Variants in IDI2 observed in about 807,000 individuals in gnomAD.
IDI2 encodes the protein isopentenyl-diphosphate delta-isomerase 2.
A neutral mutation model predicts 14.8 loss-of-function variants in IDI2; 18 were observed. The observed-to-expected ratio is 1.22, with a 90% CI of 0.84 to 1.80. IDI2 has a LOEUF of 1.80. Ranked by LOEUF, IDI2 falls within the 40% of genes most tolerant of loss-of-function variation. IDI2 has a pLI of 0.00. For missense variants in IDI2, 316 were observed against 283.2 expected, an observed-to-expected ratio of 1.12 and a Z score of -0.83; for synonymous variants, 133 against 109.6, an observed-to-expected ratio of 1.21 and a Z score of -1.33.
Position 1,024,708 on chromosome 10 carries a change from G to T in IDI2, c.16C>A (p.Leu6Ile). The change falls in exon 2 of 5, where the codon CTT becomes ATT. Residue 6 changes from leucine to isoleucine, a missense_variant. Coordinates refer to ENST00000277517, the MANE Select transcript of IDI2 (RefSeq NM_033261.3). MSDIN[L>I]DWVDRRQLQR... ...AACTGACGCCTGTCAACCCAGTCAA[G>T]ATTTATGTCAGACATAGCTGCTGGC... is the stretch of plus-strand genomic sequence containing the variant. The T allele has an allele frequency of 6.2e-7, 1 of 1,614,132 alleles. No individual in the cohort carries two copies. Among genetic ancestry groups the T allele is most frequent in the Non-Finnish European group, 8.5e-7 (1 of 1,180,022 alleles).
intron 4 of IDI2, among the ~76,000 whole-genome samples, chr10:1,020,224 TTTC>T (rs767744910): frequency 4.2e-4 from 61 of 145,476 alleles, no homozygotes; most frequent in Non-Finnish European, 8.4e-4. Context: ...CTTGAATTTC[TTTC>T]TTTTTTTTTT....
chr10:1,021,881 G>A (rs1478626461), intron 3 of IDI2, among the ~76,000 whole-genome samples: 2 of 152,192 alleles, frequency 1.3e-5, no homozygotes, highest in Non-Finnish European at 2.9e-5. Flanking sequence ...AATGGCTCAG[G>A]CAAGGTCTGG....
intron 2 of IDI2, among the ~76,000 whole-genome samples, chr10:1,023,682 G>T (rs1355013044): frequency 6.6e-6 from 1 of 152,120 alleles, no homozygotes; most frequent in Non-Finnish European, 1.5e-5. Flanking sequence ...CAGTGGGGAG[G>T]GATGACGAGA....
chr10:1,021,481 G>A (rs755609552), intron 3 of IDI2, among the ~76,000 whole-genome samples: 4 of 152,214 alleles, frequency 2.6e-5, no homozygotes, highest in Non-Finnish European at 2.9e-5. Context: ...GTTCCCTCTC[G>A]TTCCTCAGAC....
chr10:1,020,826 C>G lies in IDI2; in HGVS notation c.307G>C (p.Gly103Arg), dbSNP rs769479232. 1 of 1,613,994 alleles carries G rather than the reference C, an allele frequency of 6.2e-7. No homozygotes were observed. The highest frequency in any genetic ancestry group is 8.5e-7 in the Non-Finnish European group (1 of 1,179,938). Residue 103 changes from glycine (G) to arginine (R), a missense_variant, in exon 4 of 5, where the codon GGA (glycine) becomes CGA (arginine). Physicochemically the swap from Gly to Arg is moderately radical, Grantham distance 125. Transcript: ENST00000277517. ...PAELEEKDAI[G>R]VRRAAQRRLQ... is the part of the protein sequence containing the mutation. ...CGCCTCTGGGCTGCCCTCCTCACTC[C>G]GATGGCATCCTTTTCTTCCAGTTCT...
chr10:1,022,675 G>A lies in IDI2; in HGVS notation c.235+8C>T, dbSNP rs376470407. ...TCTTCAGTCCGGGGCTTGGTTGAACGGACTCACCAGGAAACGTGACTTTCG... is the reference window on the plus strand; with the variant it reads ...TCTTCAGTCCGGGGCTTGGTTGAACAGACTCACCAGGAAACGTGACTTTCG... On this transcript the variant is annotated splice_region_variant and intron_variant, in intron 3 of 4. Transcript: ENST00000277517. 171 of 1,605,574 alleles carry A rather than the reference G, an allele frequency of 1.1e-4. No homozygotes were observed. Among genetic ancestry groups the A allele is most frequent in the Admixed American group, 5.0e-4 (30 of 59,986 alleles).
intron 2 of IDI2, among the ~76,000 whole-genome samples, chr10:1,023,114 G>A (rs73592068): frequency 0.01 from 1,577 of 152,296 alleles, 25 homozygotes; most frequent in African/African-American, 0.036. Context: ...ACCTGTGTCC[G>A]TGGAGGTTTG....
intron 3 of IDI2, 23 bp downstream of exon 3, chr10:1,022,659 CG>C: frequency 6.4e-7 from 1 of 1,559,218 alleles, no homozygotes; most frequent in Non-Finnish European, 8.8e-7. Flanking sequence ...CTCTTCAGTC[CG>C]GGGCTTGGTT....
intron 2 of IDI2, 58 bp downstream of exon 2, chr10:1,024,524 C>A: frequency 6.3e-7 from 1 of 1,590,814 alleles, no homozygotes; most frequent in Non-Finnish European, 8.6e-7. Flanking sequence ...AGGTTGCCGT[C>A]GGGTGGGAAA....
chr10:1,019,331 G>T lies in IDI2; in HGVS notation c.*186C>A. ...TGCAACCAGGCAGATGAGAAATATG[G>T]AAATAAGGAAAAGGGAAAATGAAGA... is the stretch of plus-strand genomic sequence containing the variant. On this transcript the variant is annotated 3_prime_UTR_variant, in exon 5 of 5. Transcript: ENST00000277517. The T allele has an allele frequency of 3.6e-6, 2 of 555,652 alleles. No individual in the cohort carries two copies. The highest frequency in any genetic ancestry group is 6.3e-6 in the Non-Finnish European group (2 of 316,366). The allele number at this position is 555,652 out of a possible 1,614,324, so 34.4% of individuals were successfully genotyped here.
At chr10:1,021,014 C>CG (rs1832087093) in intron 3 of IDI2, 117 bp from the exon 4 acceptor site, 5 of 1,172,688 alleles carry the variant, frequency 4.3e-6, no homozygotes, top group South Asian at 1.6e-5. Context: ...GACAGCCTGG[C>CG]GGGGGGAGTG....
rs769482088 is a variant in IDI2 at position 1,019,693 on chromosome 10, T to C, written c.508A>G (p.Ser170Gly). ...TCCTCCTGGGACAGGTAGAGGATGC[T>C]TTTCGTTTCACTGGGATCCGGGTTC... ...TLNPDPSETK[S>G]ILYLSQEELW... Residue 170 changes from serine to glycine, a missense_variant, in exon 5 of 5, where the codon AGC (serine) becomes GGC (glycine). Ser to Gly is a moderately conservative substitution (Grantham distance 56, BLOSUM62 0). Coordinates refer to ENST00000277517, the MANE Select transcript of IDI2 (RefSeq NM_033261.3). 1 of 1,613,916 alleles carries C rather than the reference T, an allele frequency of 6.2e-7. No homozygotes were observed. The highest frequency in any genetic ancestry group is 1.1e-5 in the South Asian group (1 of 91,076).
chr10:1,019,510 C>T lies in IDI2; in HGVS notation c.*7G>A, dbSNP rs1832050448. 2 of 1,606,530 alleles carry T rather than the reference C, an allele frequency of 1.2e-6. No homozygotes were observed. The highest frequency in any genetic ancestry group is 2.7e-5 in the African/African-American group (2 of 74,718). ...ATTACACATGGCTGACTCGACCTCC[C>T]TGCCTCTCACACTCTGTGTATTTTG... On this transcript the variant is annotated 3_prime_UTR_variant, in exon 5 of 5. Coordinates refer to ENST00000277517, the MANE Select transcript of IDI2 (RefSeq NM_033261.3).
Position 1,021,976 on chromosome 10 carries a change from T to G in IDI2, c.235+707A>C, listed in dbSNP as rs375367790. 4.6e-5 allele frequency among the ~76,000 whole-genome samples: 7 copies of G among 152,318 alleles called. No individual in the cohort carries two copies. The East Asian group carries it at 7.7e-4, about 17-fold the overall frequency. ...ATGCTGTTCCCCTCTAAAAAATTTT[T>G]TGGCCGGGCCCGGTGGCTCACGCCT... On this transcript the variant is annotated intron_variant, in intron 3 of 4. Coordinates refer to ENST00000277517, the MANE Select transcript of IDI2 (RefSeq NM_033261.3).
In IDI2 at chr10:1,019,776, C is replaced by G. The variant is rs2132181391; in HGVS notation, c.425G>C (p.Arg142Thr). 6.2e-7 allele frequency: 1 copy of G among 1,614,094 alleles called. No individual in the cohort carries two copies. Among genetic ancestry groups the G allele is most frequent in the East Asian group, 2.2e-5 (1 of 44,870 alleles). The change falls in exon 5 of 5, where the codon AGA becomes ACA. Residue 142 changes from arginine to threonine, a missense_variant. By Grantham distance (71) the Arg-to-Thr change is moderately conservative. Transcript: ENST00000277517. ...ACAAATTTCATGCTCTCCCCAAATT[C>G]TGTCTGATTTTGCCTTGTGGTGATA... Reference protein sequence around the residue: ...TIYHHKAKSDRIWGEHEICYL... With the variant: ...TIYHHKAKSDTIWGEHEICYL...
intron 3 of IDI2, among the ~76,000 whole-genome samples, chr10:1,021,495 C>G (rs1212718330): frequency 2.0e-5 from 3 of 152,230 alleles, no homozygotes; most frequent in African/African-American, 4.8e-5. Flanking sequence ...CTCAGACCCT[C>G]AGTGCTTCCT....
chr10:1,021,138 C>A (rs775614177), intron 3 of IDI2, among the ~76,000 whole-genome samples: 1 of 152,188 alleles, frequency 6.6e-6, no homozygotes, highest in Non-Finnish European at 1.5e-5. Flanking sequence ...CTCCTGCGGC[C>A]CTTCCTGCAG....
chr10:1,020,624 C>T (rs1353323700), intron 4 of IDI2, 143 bp downstream of exon 4: 14 of 802,066 alleles, frequency 1.7e-5, no homozygotes, highest in Non-Finnish European at 2.5e-5. Flanking sequence ...AGCTCATTCA[C>T]AGCCCCATCC....
At chr10:1,023,451 G>A in intron 2 of IDI2, among the ~76,000 whole-genome samples, 1 of 151,242 alleles carries the variant, frequency 6.6e-6, no homozygotes, top group East Asian at 1.9e-4. Flanking sequence ...ACTCCAGCCT[G>A]GGCAATGGAG....
Sources: allele counts gnomAD v4.1 joint callset (sites outside exome capture counted in the v4.1 genomes callset), GRCh38; gene constraint gnomAD v4.1.1; transcripts MANE v1.5; gene names NCBI Gene and HGNC (gene_info 2026-07-23, HGNC 2026-07-21).